KMT2E: variants seen among roughly 807,000 people sequenced by gnomAD.
KMT2E encodes the protein lysine methyltransferase 2E (inactive).
In KMT2E, 30 loss-of-function variants were observed where a neutral mutation model predicts 184.6. The ratio of observed to expected loss-of-function variants is 0.16; its 90% CI spans 0.12 to 0.22. KMT2E has a LOEUF of 0.22. KMT2E is among the 10% of genes least tolerant of loss of function. The pLI, the probability that KMT2E is intolerant of heterozygous loss-of-function variation, is 1.00. For synonymous variants in KMT2E, 815 were observed against 776.5 expected (o/e 1.05, Z -0.82); for missense variants, 2,023 against 2,237.4 (o/e 0.90, Z 1.93).
intron 15 of KMT2E, among the ~76,000 whole-genome samples, chr7:105,100,537 T>C (rs554408231): frequency 2.8e-4 from 43 of 152,196 alleles, no homozygotes; most frequent in Non-Finnish European, 3.7e-4. Context: ...GGTTTAGAGC[T>C]GAAGCATCTG....
intron 15 of KMT2E, 40 bp from the exon 16 acceptor site, chr7:105,101,385 A>T: frequency 7.3e-7 from 1 of 1,365,884 alleles, no homozygotes; most frequent in Non-Finnish European, 9.8e-7. Flanking sequence ...ACTTTTGAGC[A>T]TTGATATTTA....
intron 1 of KMT2E, among the ~76,000 whole-genome samples, chr7:105,035,191 AT>A (rs762747433): frequency 2.7e-3 from 384 of 141,464 alleles, no homozygotes; most frequent in Middle Eastern, 7.1e-3. Context: ...AGCCTGGCTA[AT>A]TTTTTTTTTT....
intron 15 of KMT2E, among the ~76,000 whole-genome samples, chr7:105,095,542 C>G (rs1396270470): frequency 1.3e-5 from 2 of 152,150 alleles, no homozygotes; most frequent in African/African-American, 4.8e-5. Flanking sequence ...GATGGAAGGC[C>G]TTTTCATTTC....
chr7:105,111,712 T>A, intron 26 of KMT2E, 113 bp from the exon 27 acceptor site: 1 of 1,253,634 alleles, frequency 8.0e-7, no homozygotes, highest in Non-Finnish European at 1.1e-6. Flanking sequence ...CAGGATGTTA[T>A]TTCCTGCCCC....
intron 3 of KMT2E, among the ~76,000 whole-genome samples, chr7:105,057,882 T>G (rs1187888744): frequency 6.6e-6 from 1 of 152,220 alleles, no homozygotes; most frequent in Non-Finnish European, 1.5e-5. Context: ...AAAATTAACA[T>G]AAAGTATCCA....
chr7:105,054,714 A>G (rs997593692), intron 3 of KMT2E, among the ~76,000 whole-genome samples: 1 of 152,134 alleles, frequency 6.6e-6, no homozygotes, highest in Non-Finnish European at 1.5e-5. Context: ...GGGTTTCACC[A>G]TGTTGGTCAG....
chr7:105,032,898 C>T (rs1284387336), intron 1 of KMT2E, among the ~76,000 whole-genome samples: 1 of 152,194 alleles, frequency 6.6e-6, no homozygotes, highest in Non-Finnish European at 1.5e-5. Flanking sequence ...GTCCTTGGGA[C>T]AAGTAGAATA....
intron 3 of KMT2E, among the ~76,000 whole-genome samples, chr7:105,042,306 C>T (rs905059718): frequency 1.3e-5 from 2 of 152,104 alleles, no homozygotes; most frequent in African/African-American, 4.8e-5. Flanking sequence ...TACAGCTGTT[C>T]TTAGGGTAAT....
intron 1 of KMT2E, among the ~76,000 whole-genome samples, chr7:105,020,107 CAA>C (rs779473152): frequency 3.5e-4 from 22 of 63,354 alleles, no homozygotes; most frequent in Admixed American, 8.1e-4. Flanking sequence ...GACTCTGTCT[CAA>C]AAAAAAAAAA....
chr7:105,039,400 A>G (rs562563950), intron 2 of KMT2E: 126 of 152,350 alleles, frequency 8.3e-4, no homozygotes, highest in African/African-American at 2.1e-3. Context: ...TTTCCTTTCA[A>G]TGTTTGCCTC....
chr7:105,046,009 T>C (rs932935081), intron 3 of KMT2E, among the ~76,000 whole-genome samples: 1 of 152,146 alleles, frequency 6.6e-6, no homozygotes, highest in Non-Finnish European at 1.5e-5. Flanking sequence ...TCTACTTCTA[T>C]AGCTTTCACT....
Position 105,077,379 on chromosome 7 carries a change from G to C in KMT2E, c.1076G>C (p.Arg359Thr). The stretch of plus-strand genomic sequence containing the variant: ...CCTGATGCACTTATCATTGAATACA[G>C]AGGGAAGTTTATGCTGAGAGAACAG... ...LPPDALIIEY[R>T]GKFMLREQFE... Residue 359 changes from arginine (R) to threonine (T), a missense_variant, in exon 11 of 27, where the codon AGA becomes ACA. Arg to Thr is a moderately conservative substitution (Grantham distance 71). Transcript: ENST00000311117. 1 of 1,610,656 alleles carries C rather than the reference G, an allele frequency of 6.2e-7. No individual in the cohort carries two copies. Among genetic ancestry groups the C allele is most frequent in the Non-Finnish European group, 8.5e-7 (1 of 1,177,500 alleles).
At position 105,055,341 on chromosome 7, in the gene KMT2E, G is replaced by T. The variant is rs181209770; in HGVS notation, c.72-6823G>T. 1.9e-3 allele frequency among the ~76,000 whole-genome samples: 288 copies of T among 150,296 alleles called. 1 individual carries two copies. Among genetic ancestry groups the T allele is most frequent in the African/African-American group, 6.6e-3 (268 of 40,856 alleles). Reference sequence around the variant, plus strand: ...AGTGCTGGGATTATAGGCGTGAGCTGTTGTGCCTGGCCCTCTGTATAGTTT... The same window carrying T: ...AGTGCTGGGATTATAGGCGTGAGCTTTTGTGCCTGGCCCTCTGTATAGTTT... On this transcript the variant is annotated intron_variant, in intron 3 of 26. Transcript: ENST00000311117.
intron 15 of KMT2E, among the ~76,000 whole-genome samples, chr7:105,096,247 CAAAAAAAAAAA>C (rs11330758): frequency 4.3e-5 from 3 of 69,268 alleles, no homozygotes; most frequent in South Asian, 5.1e-4. Context: ...GTGAAAGGCT[CAAAAAAAAAAA>C]AAAAAAAAAA....
chr7:105,044,278 A>G (rs960040973), intron 3 of KMT2E, among the ~76,000 whole-genome samples: 1 of 152,108 alleles, frequency 6.6e-6, no homozygotes, highest in Admixed American at 6.6e-5. Context: ...TGTTTGCTTC[A>G]TTAAGTAAAT....
intron 8 of KMT2E, 40 bp downstream of exon 8, chr7:105,074,855 C>A (rs200662379): frequency 2.8e-6 from 4 of 1,443,930 alleles, no homozygotes; most frequent in South Asian, 3.0e-5. Flanking sequence ...GATAGGATAG[C>A]GGATAGGGAA....
At chr7:105,053,326 G>A (rs997611536) in intron 3 of KMT2E, among the ~76,000 whole-genome samples, 2 of 151,978 alleles carry the variant, frequency 1.3e-5, no homozygotes, top group Non-Finnish European at 2.9e-5. Flanking sequence ...GAAGAGAAGG[G>A]ATGTAAAATT....
intron 15 of KMT2E, among the ~76,000 whole-genome samples, chr7:105,094,487 C>G (rs972863345): frequency 1.3e-5 from 2 of 152,134 alleles, no homozygotes. Flanking sequence ...TTGAACATCC[C>G]AAATCCAAAA....
chr7:105,076,123 T>C, intron 9 of KMT2E, 42 bp downstream of exon 9: 1 of 1,350,086 alleles, frequency 7.4e-7, no homozygotes, highest in Non-Finnish European at 1.1e-6. Flanking sequence ...AACTGTCATT[T>C]ATTCAGGAGC....
Sources: gnomAD v4.1 joint callset for allele counts (sites outside exome capture counted in the v4.1 genomes callset) on GRCh38, gnomAD v4.1.1 for gene constraint, MANE v1.5 for transcripts, NCBI Gene and HGNC (gene_info 2026-07-23, HGNC 2026-07-21) for gene names.